Variants in CADM2 observed in about 807,000 individuals in gnomAD.
CADM2 encodes the protein cell adhesion molecule 2.
Under a neutral mutation model 49.8 loss-of-function variants are expected in CADM2, and 12 were observed. The ratio of observed to expected loss-of-function variants is 0.24; its 90% confidence interval spans 0.15 to 0.39. CADM2 has a LOEUF of 0.39. Ranked by LOEUF, CADM2 falls within the 10% of genes least tolerant of loss-of-function variation. The pLI is 1.00. For synonymous variants in CADM2, 214 were observed against 175.4 expected, an observed-to-expected ratio of 1.22 and a Z score of -1.74; for missense variants, 378 against 492.3, an observed-to-expected ratio of 0.77 and a Z score of 2.20.
intron 5 of CADM2, among the ~76,000 whole-genome samples, chr3:85,905,466 C>G (rs1241177064): frequency 1.3e-5 from 2 of 152,056 alleles, no homozygotes; most frequent in South Asian, 4.1e-4. Context: ...GGAAAAGAAG[C>G]TTTACCTGGC....
At chr3:85,357,565 A>C (rs1337685017) in intron 1 of CADM2, among the ~76,000 whole-genome samples, 1 of 152,088 alleles carries the variant, frequency 6.6e-6, no homozygotes, top group Non-Finnish European at 1.5e-5. Context: ...CACATTTTAC[A>C]GATAGAAAAC....
chr3:85,419,437 G>A (rs982405942), intron 1 of CADM2, among the ~76,000 whole-genome samples: 3 of 146,352 alleles, frequency 2.0e-5, no homozygotes, highest in Non-Finnish European at 4.5e-5. Flanking sequence ...CAGCCTGGGC[G>A]ACAGAGCAAG....
intron 1 of CADM2, among the ~76,000 whole-genome samples, chr3:85,195,021 C>T (rs146371712): frequency 2.0e-5 from 3 of 152,022 alleles, no homozygotes; most frequent in East Asian, 1.9e-4. Flanking sequence ...CATTTTTAAC[C>T]GGTCCAATTA....
intron 1 of CADM2, among the ~76,000 whole-genome samples, chr3:85,601,130 GTATATATATATATATATATATA>G (rs375011644): frequency 4.0e-4 from 44 of 109,632 alleles, no homozygotes; most frequent in African/African-American, 1.5e-3. Context: ...ATATATGTGT[GTATATATATATATATATATATA>G]TATATATATA....
chr3:85,119,344 C>G (rs1037946236), intron 1 of CADM2, among the ~76,000 whole-genome samples: 1 of 152,102 alleles, frequency 6.6e-6, no homozygotes, highest in African/African-American at 2.4e-5. Flanking sequence ...TTGTTCTGTT[C>G]CACTGTTCTA....
chr3:85,566,903 C>G (rs1337957106), intron 1 of CADM2, among the ~76,000 whole-genome samples: 1 of 152,190 alleles, frequency 6.6e-6, no homozygotes, highest in Non-Finnish European at 1.5e-5. Flanking sequence ...GTTTCACAAA[C>G]AATTTCATTC....
At chr3:85,985,618 T>A (rs1344813964) in intron 8 of CADM2, among the ~76,000 whole-genome samples, 4 of 152,100 alleles carry the variant, frequency 2.6e-5, no homozygotes, top group African/African-American at 9.7e-5. Flanking sequence ...ATAATGCCAT[T>A]GTATTTTTAA....
chr3:84,976,369 A>C (rs2031814836), intron 1 of CADM2, among the ~76,000 whole-genome samples: 1 of 151,666 alleles, frequency 6.6e-6, no homozygotes, highest in African/African-American at 2.4e-5. Context: ...TAAGACTATC[A>C]GACCAATACC....
At chr3:85,126,240 T>A (rs2107601079) in intron 1 of CADM2, among the ~76,000 whole-genome samples, 1 of 152,298 alleles carries the variant, frequency 6.6e-6, no homozygotes, top group African/African-American at 2.4e-5. Context: ...GTGTGAATAT[T>A]AATTCTTTTT....
At chr3:85,372,537 A>G (rs1399467538) in intron 1 of CADM2, among the ~76,000 whole-genome samples, 2 of 152,062 alleles carry the variant, frequency 1.3e-5, no homozygotes, top group Non-Finnish European at 2.9e-5. Context: ...TCATCTAGAA[A>G]CAATTTTAAC....
chr3:85,835,569 G>GT (rs536024493), intron 3 of CADM2, among the ~76,000 whole-genome samples: 267 of 150,528 alleles, frequency 1.8e-3, no homozygotes, highest in African/African-American at 6.2e-3. Flanking sequence ...CCTTTTGCTT[G>GT]TTTTTATTTT....
At chr3:85,804,263 C>T (rs2072257922) in intron 3 of CADM2, among the ~76,000 whole-genome samples, 1 of 151,950 alleles carries the variant, frequency 6.6e-6, no homozygotes, top group Non-Finnish European at 1.5e-5. Context: ...CATTACGAAA[C>T]TAAATATATT....
At chr3:85,201,241 A>G (rs189599409) in intron 1 of CADM2, among the ~76,000 whole-genome samples, 1 of 152,352 alleles carries the variant, frequency 6.6e-6, no homozygotes, top group Non-Finnish European at 1.5e-5. Flanking sequence ...TAAAGAATAT[A>G]TCACAAAAAA....
At chr3:85,501,335 A>C (rs1333769381) in intron 1 of CADM2, among the ~76,000 whole-genome samples, 2 of 152,206 alleles carry the variant, frequency 1.3e-5, no homozygotes, top group Non-Finnish European at 2.9e-5. Context: ...CTTAAGCCTT[A>C]GATTTTGTGT....
At chr3:85,288,166 A>C (rs115458562) in intron 1 of CADM2, among the ~76,000 whole-genome samples, 4,229 of 152,184 alleles carry the variant, frequency 0.028, 177 homozygotes, top group African/African-American at 0.095. Context: ...AAAGCACATA[A>C]ACTTTCTGAA....
At chr3:84,986,642 T>A (rs547147516) in intron 1 of CADM2, among the ~76,000 whole-genome samples, 1 of 151,586 alleles carries the variant, frequency 6.6e-6, no homozygotes, top group Non-Finnish European at 1.5e-5. Flanking sequence ...TTAGGAGATA[T>A]ACCTAATGCT....
At chr3:85,935,715 A>G in intron 6 of CADM2, 52 bp from the exon 7 acceptor site, 2 of 911,730 alleles carry the variant, frequency 2.2e-6, no homozygotes, top group Admixed American at 2.0e-5. Flanking sequence ...GTTATTAAAT[A>G]TCTAGTTTTG....
At chr3:85,782,571 G>A (rs188309184) in intron 2 of CADM2, among the ~76,000 whole-genome samples, 4 of 150,848 alleles carry the variant, frequency 2.7e-5, no homozygotes, top group African/African-American at 9.8e-5. Context: ...CAGGAGAATC[G>A]CTTGAACCCA....
intron 8 of CADM2, chr3:86,013,968 G>A (rs1260333027): frequency 9.2e-6 from 14 of 1,526,562 alleles, no homozygotes; most frequent in African/African-American, 1.4e-5. Context: ...TGTTATGGGA[G>A]TATCTGTTGC....
Sources: allele counts gnomAD v4.1 joint callset (sites outside exome capture counted in the v4.1 genomes callset), GRCh38; gene constraint gnomAD v4.1.1; transcripts MANE v1.5; gene names NCBI Gene and HGNC (gene_info 2026-07-23, HGNC 2026-07-21).